Variants in SETBP1 observed in about 807,000 individuals in gnomAD.
The protein encoded by SETBP1 is SET binding protein 1.
In SETBP1, 9 loss-of-function variants were observed where a neutral mutation model predicts 101.0. The observed-to-expected ratio is 0.09, with a 90% CI of 0.05 to 0.16. SETBP1 has a LOEUF of 0.16. Among genes scored for constraint, SETBP1 ranks in the 10% least tolerant of loss-of-function variants. The pLI is 1.00. For missense variants in SETBP1, 1,858 were observed against 2,033.8 expected, an observed-to-expected ratio of 0.91 and a Z score of 1.66; for synonymous variants, 818 against 788.5, an observed-to-expected ratio of 1.04 and a Z score of -0.63.
chr18:44,757,231 G>A (rs2070517424), intron 2 of SETBP1, among the ~76,000 whole-genome samples: 1 of 152,090 alleles, frequency 6.6e-6, no homozygotes, highest in Non-Finnish European at 1.5e-5. Flanking sequence ...CCCTGAATTT[G>A]GCTTTAAGGC....
At chr18:44,838,205 G>C (rs1231263070) in intron 2 of SETBP1, among the ~76,000 whole-genome samples, 2 of 152,140 alleles carry the variant, frequency 1.3e-5, no homozygotes, top group Non-Finnish European at 2.9e-5. Flanking sequence ...ATTCAGTTTA[G>C]CATTTTATTA....
intron 2 of SETBP1, among the ~76,000 whole-genome samples, chr18:44,759,893 A>G (rs890649591): frequency 1.3e-5 from 2 of 152,178 alleles, no homozygotes; most frequent in African/African-American, 4.8e-5. Context: ...TCTGCATCCT[A>G]TCCTGTACCA....
chr18:44,690,726 T>C (rs1435818975), intron 1 of SETBP1, among the ~76,000 whole-genome samples: 1 of 152,214 alleles, frequency 6.6e-6, no homozygotes, highest in Non-Finnish European at 1.5e-5. Flanking sequence ...TGTCTCTGGG[T>C]TAAAATCAGT....
At chr18:44,979,307 C>T (rs940281999) in intron 4 of SETBP1, among the ~76,000 whole-genome samples, 2 of 152,148 alleles carry the variant, frequency 1.3e-5, no homozygotes, top group African/African-American at 4.8e-5. Context: ...TAACTTTGCC[C>T]CTAAGCCTTT....
intron 3 of SETBP1, among the ~76,000 whole-genome samples, chr18:44,919,450 A>G (rs2070525671): frequency 6.6e-6 from 1 of 151,808 alleles, no homozygotes; most frequent in Non-Finnish European, 1.5e-5. Flanking sequence ...CCCTGGTTCA[A>G]GTGATTCTCC....
chr18:44,956,943 A>C (rs1409013056), intron 4 of SETBP1, among the ~76,000 whole-genome samples: 1 of 152,082 alleles, frequency 6.6e-6, no homozygotes, highest in African/African-American at 2.4e-5. Flanking sequence ...TCTGTATTTT[A>C]CGCCTCCTTT....
At chr18:44,815,042 G>A (rs1411885300) in intron 2 of SETBP1, among the ~76,000 whole-genome samples, 1 of 152,192 alleles carries the variant, frequency 6.6e-6, no homozygotes, top group East Asian at 1.9e-4. Flanking sequence ...GACCCTGATG[G>A]TGAGGTGAGA....
intron 2 of SETBP1, among the ~76,000 whole-genome samples, chr18:44,710,608 C>T (rs2069317575): frequency 6.6e-6 from 1 of 152,030 alleles, no homozygotes; most frequent in South Asian, 2.1e-4. Flanking sequence ...CATGCCACCA[C>T]ATGCGGCTAA....
At position 44,752,589 on chromosome 18, in the gene SETBP1, A is replaced by T. The variant is rs1186292386; in HGVS notation, c.486+50757A>T. ...CTCTATGTCATCTAAAGAAATGAGT[A>T]TACTGGACAAATTTTATATATTTTA... is the stretch of plus-strand genomic sequence containing the variant. On this transcript the variant is annotated intron_variant, in intron 2 of 5. Coordinates refer to ENST00000649279, the MANE Select transcript of SETBP1 (RefSeq NM_015559.3). 2.6e-5 allele frequency among the ~76,000 whole-genome samples: 4 copies of T among 152,220 alleles called. No homozygotes were observed. The East Asian group carries it at 7.7e-4, about 29-fold the overall frequency.
chr18:44,917,172 G>A (rs1024908515), intron 3 of SETBP1, among the ~76,000 whole-genome samples: 2 of 152,204 alleles, frequency 1.3e-5, no homozygotes, highest in Non-Finnish European at 2.9e-5. Flanking sequence ...CCTTCTGTGT[G>A]GGATAGGAAT....
intron 4 of SETBP1, among the ~76,000 whole-genome samples, chr18:44,964,753 G>C (rs959875335): frequency 6.6e-6 from 1 of 152,034 alleles, no homozygotes; most frequent in Non-Finnish European, 1.5e-5. Context: ...CCAATCTGCC[G>C]TTTCTCCAGC....
intron 2 of SETBP1, among the ~76,000 whole-genome samples, chr18:44,709,615 C>G (rs1312989656): frequency 6.6e-6 from 1 of 152,142 alleles, no homozygotes; most frequent in Non-Finnish European, 1.5e-5. Flanking sequence ...GCTCTCATTG[C>G]TGTTTGGCAT....
At chr18:44,886,755 T>TTATTAC (rs1292602287) in intron 3 of SETBP1, among the ~76,000 whole-genome samples, 27 of 8,206 alleles carry the variant, frequency 3.3e-3, no homozygotes, top group African/African-American at 0.025. Context: ...ACTGTACATT[T>TTATTAC]TATTATTATT....
intron 1 of SETBP1, among the ~76,000 whole-genome samples, chr18:44,684,891 C>T (rs2068812153): frequency 6.6e-6 from 1 of 152,172 alleles, no homozygotes; most frequent in South Asian, 2.1e-4. Context: ...AGGTGATCCA[C>T]CTGTCTCAGC....
chr18:44,878,218 A>T lies in SETBP1; in HGVS notation c.540+8935A>T, dbSNP rs546363814. ...CAACTGGTTGAAGTAACTTTGAATG[A>T]TACCCTTAGCAACGAGGGAGTAGGA... On this transcript the variant is annotated intron_variant, in intron 3 of 5. Coordinates refer to ENST00000649279, the MANE Select transcript of SETBP1 (RefSeq NM_015559.3). Among the ~76,000 whole-genome samples the T allele has an allele frequency of 1.6e-4, 24 of 152,342 alleles. No homozygotes were observed. In the South Asian group the frequency reaches 4.8e-3, roughly 30 times the overall value.
chr18:44,866,959 A>G (rs560639961), intron 2 of SETBP1, among the ~76,000 whole-genome samples: 3 of 152,296 alleles, frequency 2.0e-5, no homozygotes, highest in Admixed American at 6.5e-5. Flanking sequence ...TTCCCGTGCC[A>G]TATCTCCTCA....
chr18:44,840,357 C>T (rs545036908), intron 2 of SETBP1, among the ~76,000 whole-genome samples: 1 of 152,330 alleles, frequency 6.6e-6, no homozygotes, highest in East Asian at 1.9e-4. Context: ...ATGGCGCTAC[C>T]TCTGCAAGGG....
At chr18:44,948,933 T>C (rs1243847879) in intron 3 of SETBP1, among the ~76,000 whole-genome samples, 1 of 152,198 alleles carries the variant, frequency 6.6e-6, no homozygotes, top group African/African-American at 2.4e-5. Flanking sequence ...TTAGAATCAA[T>C]GTAGGGGAAA....
intron 2 of SETBP1, among the ~76,000 whole-genome samples, chr18:44,859,884 C>T (rs980542614): frequency 6.6e-6 from 1 of 152,204 alleles, no homozygotes; most frequent in African/African-American, 2.4e-5. Context: ...CTTTCGGATG[C>T]CCACCTGTAA....
Sources: allele counts gnomAD v4.1 joint callset (sites outside exome capture counted in the v4.1 genomes callset), GRCh38; gene constraint gnomAD v4.1.1; transcripts MANE v1.5; gene names NCBI Gene and HGNC (gene_info 2026-07-23, HGNC 2026-07-21).